CCDC7: variants seen among roughly 807,000 people sequenced by gnomAD.
CCDC7 encodes coiled-coil domain-containing protein 7.
In CCDC7, 183 loss-of-function variants were observed where a neutral mutation model predicts 196.9. That is an observed-to-expected ratio of 0.93 (90% CI 0.82 to 1.05). The LOEUF is 1.05. Among genes scored for constraint, CCDC7 ranks in the 50% least tolerant of loss-of-function variants. The pLI, the probability that CCDC7 is intolerant of heterozygous loss-of-function variation, is 0.00. For synonymous variants in CCDC7, 525 were observed against 484.6 expected, an observed-to-expected ratio of 1.08 and a Z score of -1.10; for missense variants, 1,540 against 1,482.2, an observed-to-expected ratio of 1.04 and a Z score of -0.64.
intron 29 of CCDC7, among the ~76,000 whole-genome samples, chr10:32,799,307 G>A (rs998191412): frequency 1.3e-5 from 2 of 152,170 alleles, no homozygotes; most frequent in African/African-American, 4.8e-5. Context: ...ATGGGGGCCT[G>A]CCAATGTCTC....
intron 28 of CCDC7, among the ~76,000 whole-genome samples, chr10:32,746,212 T>C (rs2074701714): frequency 6.6e-6 from 1 of 152,102 alleles, no homozygotes; most frequent in Non-Finnish European, 1.5e-5. Flanking sequence ...AGTAGGAAGC[T>C]GGGAAGCCTG....
At chr10:32,638,280 C>A (rs974752068) in intron 20 of CCDC7, among the ~76,000 whole-genome samples, 1 of 152,064 alleles carries the variant, frequency 6.6e-6, no homozygotes, top group African/African-American at 2.4e-5. Flanking sequence ...GAATAGGAGT[C>A]GTGAGAGAGG....
At position 32,778,187 on chromosome 10, in the gene CCDC7, A is replaced by G. The variant is rs142318295; in HGVS notation, c.2906-790A>G. 8.7e-4 allele frequency among the ~76,000 whole-genome samples: 132 copies of G among 152,242 alleles called. 1 individual carries two copies. Among genetic ancestry groups the G allele is most frequent in the African/African-American group, 2.9e-3 (120 of 41,552 alleles). On this transcript the variant is annotated intron_variant, in intron 28 of 41. Coordinates refer to ENST00000639629, the Ensembl canonical transcript of CCDC7. ...TTGCTGTGCAAAATATTTTTAGTTT[A>G]ACTAGATCCCATTTGTCAATTTCTG...
chr10:32,691,325 G>A (rs969351716), intron 23 of CCDC7, among the ~76,000 whole-genome samples: 7 of 152,082 alleles, frequency 4.6e-5, no homozygotes, highest in African/African-American at 1.7e-4. Context: ...GGTTCTTGGT[G>A]AAAAGTCCAT....
chr10:32,837,425 A>G (rs2092689495), intron 33 of CCDC7, among the ~76,000 whole-genome samples: 1 of 152,162 alleles, frequency 6.6e-6, no homozygotes, highest in African/African-American at 2.4e-5. Flanking sequence ...TCAGGAAACA[A>G]CAGGTACTGG....
intron 29 of CCDC7, among the ~76,000 whole-genome samples, chr10:32,788,470 A>G (rs1220358556): frequency 6.6e-6 from 1 of 152,130 alleles, no homozygotes; most frequent in African/African-American, 2.4e-5. Flanking sequence ...GTCTGCAGAT[A>G]CTGGTACAGG....
intron 8 of CCDC7, 112 bp from the exon 10 acceptor site, chr10:32,491,810 G>A: frequency 9.9e-7 from 1 of 1,005,658 alleles, no homozygotes. Flanking sequence ...GCCCATGCTA[G>A]CCCCTCTTTA....
intron 40 of CCDC7, 80 bp downstream of exon 41, chr10:32,852,012 G>A (rs991762237): frequency 7.1e-7 from 1 of 1,411,170 alleles, no homozygotes; most frequent in African/African-American, 1.5e-5. Flanking sequence ...AGTTGTAATA[G>A]CTTTAGTCAT....
chr10:32,750,103 TTATAA>T (rs1471674861), intron 28 of CCDC7, among the ~76,000 whole-genome samples: 10 of 152,316 alleles, frequency 6.6e-5, no homozygotes, highest in South Asian at 2.1e-4. Flanking sequence ...CAGTATGTAA[TTATAA>T]TATAATTTTT....
At chr10:32,817,785 G>A (rs1278596342) in intron 31 of CCDC7, among the ~76,000 whole-genome samples, 1 of 152,178 alleles carries the variant, frequency 6.6e-6, no homozygotes, top group Non-Finnish European at 1.5e-5. Context: ...ACAAGCAAAT[G>A]TTGAGAGATT....
intron 33 of CCDC7, among the ~76,000 whole-genome samples, chr10:32,835,953 G>A (rs1411433084): frequency 2.0e-5 from 3 of 152,224 alleles, no homozygotes; most frequent in East Asian, 1.9e-4. Context: ...GTGATAAGAA[G>A]AGGAGTATAA....
intron 22 of CCDC7, 22 bp from the exon 24 acceptor site, chr10:32,689,031 C>A: frequency 7.0e-7 from 1 of 1,420,792 alleles, no homozygotes; most frequent in Non-Finnish European, 9.9e-7. Flanking sequence ...ATTTAGCGGA[C>A]TAAACACATC....
intron 29 of CCDC7, among the ~76,000 whole-genome samples, chr10:32,802,784 G>A (rs114979990): frequency 7.4e-4 from 113 of 152,308 alleles, no homozygotes; most frequent in African/African-American, 2.4e-3. Flanking sequence ...GAAGAACTTC[G>A]AGTCTGGTGT....
chr10:32,854,051 G>T (rs546178614), intron 40 of CCDC7, among the ~76,000 whole-genome samples: 1 of 152,172 alleles, frequency 6.6e-6, no homozygotes, highest in East Asian at 1.9e-4. Flanking sequence ...CCTCACTAGG[G>T]ATCTCCACTT....
chr10:32,654,661 CTG>C (rs2069432250), intron 20 of CCDC7, among the ~76,000 whole-genome samples: 1 of 152,138 alleles, frequency 6.6e-6, no homozygotes, highest in African/African-American at 2.4e-5. Context: ...CTGTGTGTCT[CTG>C]TGTGTCTTGA....
At chr10:32,617,211 C>T (rs919764942) in intron 18 of CCDC7, among the ~76,000 whole-genome samples, 6 of 151,484 alleles carry the variant, frequency 4.0e-5, no homozygotes, top group African/African-American at 1.5e-4. Context: ...TAGTTTTTGT[C>T]AATTTTCTTT....
At position 32,630,959 on chromosome 10, in the gene CCDC7, G is replaced by C. The variant is rs544426245; in HGVS notation, c.1802-3295G>C. 2.1e-4 allele frequency among the ~76,000 whole-genome samples: 32 copies of C among 152,206 alleles called. 1 individual carries two copies. The South Asian group carries it at 6.4e-3, about 31-fold the overall frequency. On this transcript the variant is annotated intron_variant, in intron 18 of 41. Transcript: ENST00000639629. ...AAGTGATGCCATGCAGTGTCTGCCT[G>C]GCTCTTGGCACACAATCTCTGGAAG...
At chr10:32,503,131 C>G (rs1289490528) in intron 9 of CCDC7, among the ~76,000 whole-genome samples, 1 of 152,050 alleles carries the variant, frequency 6.6e-6, no homozygotes, top group Non-Finnish European at 1.5e-5. Context: ...TATTTTGATG[C>G]ATTTTATTTG....
chr10:32,590,272 A>G (rs959374436), intron 18 of CCDC7, among the ~76,000 whole-genome samples: 8 of 152,110 alleles, frequency 5.3e-5, no homozygotes, highest in African/African-American at 1.9e-4. Context: ...CTTGCAAATC[A>G]TATAACCCAT....
Sources: allele counts gnomAD v4.1 joint callset (sites outside exome capture counted in the v4.1 genomes callset), GRCh38; gene constraint gnomAD v4.1.1; transcripts MANE v1.5; gene names NCBI Gene and HGNC (gene_info 2026-07-23, HGNC 2026-07-21).